WAPL: variants seen among roughly 807,000 people sequenced by gnomAD.
WAPL encodes the protein wings apart-like protein homolog.
Under a neutral mutation model 121.0 loss-of-function variants are expected in WAPL, and 5 were observed. The ratio of observed to expected loss-of-function variants is 0.04; its 90% confidence interval spans 0.02 to 0.09. WAPL has a LOEUF of 0.09. WAPL is among the 10% of genes least tolerant of loss of function. The probability of loss-of-function intolerance (pLI) is 1.00; values close to 1 mark genes in which losing one functional copy is unlikely to be tolerated. For synonymous variants in WAPL, 480 were observed against 481.5 expected (o/e 1.00, Z 0.04); for missense variants, 999 against 1,410.8 (o/e 0.71, Z 4.68).
rs768574596 is a variant in WAPL, at chr10:86,451,942, G to GT, written c.3114+24dup. 6.5e-5 allele frequency: 104 copies of GT among 1,607,572 alleles called. No homozygotes were observed. The East Asian group carries it at 1.9e-3, about 30-fold the overall frequency. On this transcript the variant is annotated intron_variant, in intron 15 of 18. Transcript: ENST00000298767. ...CAAATCCAACAAACTGCAGTTATGA[G>GT]TTTGTTTTTAAAGTGGTTGCTTACC...
intron 2 of WAPL, among the ~76,000 whole-genome samples, chr10:86,508,650 T>C (rs2132228578): frequency 6.6e-6 from 1 of 152,280 alleles, no homozygotes; most frequent in South Asian, 2.1e-4. Context: ...TACATTGGCT[T>C]CTATAATATA....
intron 4 of WAPL, among the ~76,000 whole-genome samples, chr10:86,486,158 CAT>C (rs1319222152): frequency 6.6e-6 from 1 of 152,338 alleles, no homozygotes; most frequent in East Asian, 1.9e-4. Flanking sequence ...CACAATACCA[CAT>C]GATGACTGGA....
At position 86,499,848 on chromosome 10, in the gene WAPL, T is replaced by A; in HGVS notation, c.1395A>T (p.Glu465Asp). 1 of 1,614,082 alleles carries A rather than the reference T, an allele frequency of 6.2e-7. No individual in the cohort carries two copies. The highest frequency in any genetic ancestry group is 1.1e-5 in the South Asian group (1 of 91,048). The change falls in exon 3 of 19, where the codon GAA becomes GAT. Residue 465 changes from glutamate to aspartate, a missense_variant. Physicochemically the swap from Glu to Asp is conservative, Grantham distance 45. This residue lies in a region of WAPL where 531 missense variants were observed against 563.1 expected (regional missense o/e 0.94). Coordinates refer to ENST00000298767, the MANE Select transcript of WAPL (RefSeq NM_015045.5). ...FDDLSESEDD[E>D]DDDCQVERKT... is the part of the protein sequence containing the mutation. The stretch of plus-strand genomic sequence containing the variant: ...TTCTTTCTACTTGACAGTCATCATC[T>A]TCATCATCTTCGCTTTCACTGAGAT...
At chr10:86,475,385 TG>T (rs1191241067) in intron 4 of WAPL, among the ~76,000 whole-genome samples, 3 of 152,152 alleles carry the variant, frequency 2.0e-5, no homozygotes, top group Non-Finnish European at 4.4e-5. Context: ...AGAAGACAAG[TG>T]GAAAATCATA....
At position 86,436,307 on chromosome 10, in the gene WAPL, T is replaced by G. The variant is rs1458147916; in HGVS notation, c.*1236A>C. 6.6e-6 allele frequency: 1 copy of G among 152,576 alleles called. No homozygotes were observed. Among genetic ancestry groups the G allele is most frequent in the Non-Finnish European group, 1.5e-5 (1 of 68,034 alleles). The allele number at this position is 152,576 out of a possible 1,614,324, so 9.5% of individuals were successfully genotyped here. On this transcript the variant is annotated 3_prime_UTR_variant, in exon 19 of 19. Transcript: ENST00000298767. The stretch of plus-strand genomic sequence containing the variant: ...TTACAAATCCAATGAAGAAACATGA[T>G]GTAACTACCTGAAAGGTATTTAAAA...
intron 12 of WAPL, among the ~76,000 whole-genome samples, chr10:86,456,248 T>C (rs1482114885): frequency 3.9e-5 from 6 of 152,216 alleles, no homozygotes; most frequent in African/African-American, 1.4e-4. Context: ...ATTTCACGTC[T>C]ACTAAATGGT....
rs1232121265 is a variant in WAPL, at chr10:86,436,278, A to G, written c.*1265T>C. ...CCAAACTAATATTTTTATGGCTTCA[A>G]GTTTTACAAATCCAATGAAGAAACA... On this transcript the variant is annotated 3_prime_UTR_variant, in exon 19 of 19. Coordinates refer to ENST00000298767, the MANE Select transcript of WAPL (RefSeq NM_015045.5). 6.6e-6 allele frequency: 1 copy of G among 152,658 alleles called. No individual in the cohort carries two copies. Among genetic ancestry groups the G allele is most frequent in the Non-Finnish European group, 1.5e-5 (1 of 68,034 alleles). The allele number at this position is 152,658 out of a possible 1,614,324, so 9.5% of individuals were successfully genotyped here.
At chr10:86,444,705 T>C (rs1849559108) in intron 16 of WAPL, among the ~76,000 whole-genome samples, 1 of 151,906 alleles carries the variant, frequency 6.6e-6, no homozygotes, top group African/African-American at 2.4e-5. Context: ...TAATGGGTAT[T>C]GGGTTCCTTT....
At chr10:86,484,486 T>C (rs1841882399) in intron 4 of WAPL, among the ~76,000 whole-genome samples, 1 of 152,072 alleles carries the variant, frequency 6.6e-6, no homozygotes, top group Non-Finnish European at 1.5e-5. Flanking sequence ...CAGAGGGAGA[T>C]TGTCTCAAAA....
At chr10:86,439,613 A>G (rs117404752) in intron 17 of WAPL, among the ~76,000 whole-genome samples, 11 of 152,222 alleles carry the variant, frequency 7.2e-5, no homozygotes, top group Admixed American at 1.3e-4. Context: ...AAAAATTTTA[A>G]AAGTGTCCAG....
intron 9 of WAPL, among the ~76,000 whole-genome samples, chr10:86,463,187 A>G (rs1841328303): frequency 6.6e-6 from 1 of 152,250 alleles, no homozygotes; most frequent in Admixed American, 6.5e-5. Flanking sequence ...GCACTTTGGG[A>G]GGCTGAGAGA....
At chr10:86,457,049 A>C (rs1487219611) in intron 12 of WAPL, among the ~76,000 whole-genome samples, 1 of 152,208 alleles carries the variant, frequency 6.6e-6, no homozygotes, top group African/African-American at 2.4e-5. Context: ...TGAAGTATAC[A>C]AAAGAGATAT....
chr10:86,449,661 G>GA (rs752918888), intron 15 of WAPL, among the ~76,000 whole-genome samples: 1 of 152,208 alleles, frequency 6.6e-6, no homozygotes, highest in Non-Finnish European at 1.5e-5. Context: ...CTATTATGTG[G>GA]ATAATGCAGA....
At chr10:86,471,615 AT>A (rs140174793) in intron 7 of WAPL, among the ~76,000 whole-genome samples, 12,880 of 151,558 alleles carry the variant, frequency 0.085, 638 homozygotes, top group Middle Eastern at 0.17. Context: ...AACTTAAAAG[AT>A]TTTTTTTTAA....
At chr10:86,437,845 G>T in intron 18 of WAPL, 75 bp downstream of exon 18, 2 of 1,182,626 alleles carry the variant, frequency 1.7e-6, no homozygotes, top group Non-Finnish European at 2.5e-6. Context: ...ACTTACTATG[G>T]CCATAGTATT....
At chr10:86,441,129 A>G (rs190439633) in intron 17 of WAPL, among the ~76,000 whole-genome samples, 1 of 152,248 alleles carries the variant, frequency 6.6e-6, no homozygotes, top group Admixed American at 6.5e-5. Flanking sequence ...CCTTGCTCCT[A>G]GAAAACAATC....
intron 5 of WAPL, among the ~76,000 whole-genome samples, chr10:86,473,183 A>G (rs1053064529): frequency 2.6e-5 from 4 of 152,216 alleles, no homozygotes; most frequent in East Asian, 1.9e-4. Context: ...ATAAATAGCT[A>G]TAACAGGAGC....
chr10:86,520,544 C>T (rs899344534), intron 1 of WAPL, among the ~76,000 whole-genome samples: 2 of 152,078 alleles, frequency 1.3e-5, no homozygotes, highest in Non-Finnish European at 2.9e-5. Context: ...TTTGCAATGG[C>T]ATTATCTAAG....
intron 4 of WAPL, among the ~76,000 whole-genome samples, chr10:86,479,998 A>T (rs192724126): frequency 8.8e-4 from 134 of 152,370 alleles, no homozygotes; most frequent in Middle Eastern, 3.4e-3. Context: ...AAACTATAAA[A>T]AACATAACAC....
Sources: gnomAD v4.1 joint callset for allele counts (sites outside exome capture counted in the v4.1 genomes callset) on GRCh38, gnomAD v4.1.1 for gene constraint, gnomAD v4.1.1 regional missense constraint, MANE v1.5 for transcripts, NCBI Gene and HGNC (gene_info 2026-07-23, HGNC 2026-07-21) for gene names.